The following GDPD1 variants were observed in gnomAD, a reference collection of about 807,000 sequenced individuals.
GDPD1 encodes lysophospholipase D GDPD1.
In GDPD1, 28 loss-of-function variants were observed where a neutral mutation model predicts 45.1. The observed-to-expected ratio is 0.62, with a 90% CI of 0.46 to 0.85. GDPD1 has a LOEUF of 0.85. Ranked by LOEUF, GDPD1 falls within the 40% of genes least tolerant of loss-of-function variation. GDPD1 has a pLI of 0.00. For synonymous variants in GDPD1, 139 were observed against 131.4 expected (o/e 1.06, Z -0.40); for missense variants, 256 against 364.8 (o/e 0.70, Z 2.43).
chr17:59,264,967 A>C (rs1020089632), intron 6 of GDPD1, among the ~76,000 whole-genome samples: 4 of 151,770 alleles, frequency 2.6e-5, no homozygotes, highest in Non-Finnish European at 5.9e-5. Flanking sequence ...CAGCCTCCCG[A>C]GTAGCTGGGG....
At chr17:59,268,033 A>G in intron 7 of GDPD1, among the ~76,000 whole-genome samples, 1 of 152,206 alleles carries the variant, frequency 6.6e-6, no homozygotes, top group East Asian at 1.9e-4. Flanking sequence ...CTAATTTACT[A>G]GCAAGATAAA....
intron 4 of GDPD1, among the ~76,000 whole-genome samples, chr17:59,251,273 C>A (rs561993442): frequency 1.3e-5 from 2 of 152,230 alleles, no homozygotes; most frequent in East Asian, 3.9e-4. Flanking sequence ...AATCCCAACA[C>A]TTTGGGAGGC....
At chr17:59,226,353 A>C (rs1158118655) in intron 1 of GDPD1, among the ~76,000 whole-genome samples, 2 of 152,156 alleles carry the variant, frequency 1.3e-5, no homozygotes, top group East Asian at 1.9e-4. Context: ...CTTAAAAAAA[A>C]AAACCTATAC....
intron 3 of GDPD1, among the ~76,000 whole-genome samples, chr17:59,247,267 G>A (rs1042646112): frequency 6.6e-6 from 1 of 152,014 alleles, no homozygotes; most frequent in Non-Finnish European, 1.5e-5. Flanking sequence ...TTACATTAGG[G>A]TTCACTCTTG....
chr17:59,263,936 C>T (rs998339973), intron 6 of GDPD1, among the ~76,000 whole-genome samples: 1 of 152,078 alleles, frequency 6.6e-6, no homozygotes, highest in Non-Finnish European at 1.5e-5. Flanking sequence ...TCACACTTAA[C>T]GCAGTGGTTC....
chr17:59,275,082 T>A lies in GDPD1; in HGVS notation c.*1309T>A. ...GTCTCGAACTCCTGACCTCAGGTGATCCACCCACCTCGGCCTCTCAAAGTG... is the reference window on the plus strand; with the variant it reads ...GTCTCGAACTCCTGACCTCAGGTGAACCACCCACCTCGGCCTCTCAAAGTG... On this transcript the variant is annotated 3_prime_UTR_variant, in exon 10 of 10. Coordinates refer to ENST00000284116, the MANE Select transcript of GDPD1 (RefSeq NM_182569.4). 2 of 1,234,602 alleles carry A rather than the reference T, an allele frequency of 1.6e-6. No individual in the cohort carries two copies. The highest frequency in any genetic ancestry group is 1.3e-5 in the South Asian group (1 of 77,834). 76.5% of individuals were successfully genotyped at this position (1,234,602 alleles called of 1,614,324 possible).
At chr17:59,268,625 C>A (rs1220575672) in intron 7 of GDPD1, among the ~76,000 whole-genome samples, 1 of 147,030 alleles carries the variant, frequency 6.8e-6, no homozygotes, top group Non-Finnish European at 1.5e-5. Context: ...CTTTTCATAT[C>A]CAACAGAACT....
chr17:59,240,042 C>T (rs1420675175), intron 2 of GDPD1, among the ~76,000 whole-genome samples: 2 of 152,044 alleles, frequency 1.3e-5, no homozygotes, highest in African/African-American at 2.4e-5. Flanking sequence ...CCTGTAATCC[C>T]AGCACTTTGG....
In GDPD1 at chr17:59,254,321, G is replaced by A. The variant is rs148907076; in HGVS notation, c.368-2801G>A. ...GGTTGCGATGAGCCGAGATGGCACC[G>A]CTGCACTGCAGCCTGGGTGACAGAG... On this transcript the variant is annotated intron_variant, in intron 4 of 9. Transcript: ENST00000284116. 4.8e-3 allele frequency among the ~76,000 whole-genome samples: 718 copies of A among 149,162 alleles called. 9 individuals carry two copies. The highest frequency in any genetic ancestry group is 0.017 in the African/African-American group (675 of 40,142).
At chr17:59,224,620 A>G in intron 1 of GDPD1, among the ~76,000 whole-genome samples, 1 of 113,676 alleles carries the variant, frequency 8.8e-6, no homozygotes, top group East Asian at 2.3e-4. Context: ...GCGAGACTCC[A>G]TCTCAAAAAA....
chr17:59,265,500 G>GT (rs2047392132), intron 6 of GDPD1, among the ~76,000 whole-genome samples: 1 of 151,974 alleles, frequency 6.6e-6, no homozygotes, highest in African/African-American at 2.4e-5. Flanking sequence ...TCCAGCCACT[G>GT]TACTCTAGCC....
chr17:59,255,857 G>GTATATATATATATACACGTA (rs1568346976), intron 4 of GDPD1, among the ~76,000 whole-genome samples: 1 of 40,900 alleles, frequency 2.4e-5, no homozygotes, highest in African/African-American at 1.5e-4. Context: ...ATATACACAC[G>GTATATATATATATACACGTA]TATATATATA....
In GDPD1 at chr17:59,257,252, A is replaced by G; in HGVS notation, c.486+12A>G. 7.4e-7 allele frequency: 1 copy of G among 1,354,310 alleles called. No individual in the cohort carries two copies. Among genetic ancestry groups the G allele is most frequent in the Non-Finnish European group, 1.0e-6 (1 of 959,272 alleles). The allele number at this position is 1,354,310 out of a possible 1,614,324, so 83.9% of individuals were successfully genotyped here. A position where few individuals can be genotyped will look rare whatever the true frequency, so the allele number is the denominator to read the frequency against. ...TGCTGATTAAGAAGGTACTCAAGGC[A>G]TTGCCTCCTCTGGGTGTGTTGCATC... On this transcript the variant is annotated intron_variant, in intron 5 of 9. Transcript: ENST00000284116.
chr17:59,260,548 A>C (rs1197880569), intron 6 of GDPD1, among the ~76,000 whole-genome samples: 1 of 152,166 alleles, frequency 6.6e-6, no homozygotes. Context: ...CTAAAAAAAA[A>C]AGTGTATAAA....
intron 4 of GDPD1, 90 bp downstream of exon 4, chr17:59,248,875 A>G: frequency 1.1e-6 from 1 of 919,548 alleles, no homozygotes; most frequent in Admixed American, 2.2e-5. Context: ...AAAGTAACTG[A>G]CCTCTAAGTT....
At chr17:59,228,254 T>G (rs940674443) in intron 1 of GDPD1, among the ~76,000 whole-genome samples, 1 of 151,912 alleles carries the variant, frequency 6.6e-6, no homozygotes, top group Non-Finnish European at 1.5e-5. Flanking sequence ...TATGAAAGTT[T>G]CTTAGGTAGC....
At chr17:59,251,763 T>C (rs1056433510) in intron 4 of GDPD1, among the ~76,000 whole-genome samples, 4 of 151,774 alleles carry the variant, frequency 2.6e-5, no homozygotes, top group Non-Finnish European at 4.4e-5. Flanking sequence ...CCCAGCACTT[T>C]GGGAGGCTAA....
Position 59,257,180 on chromosome 17 carries a change from C to A in GDPD1, c.426C>A (p.Ala142=). 6.2e-7 allele frequency: 1 copy of A among 1,608,252 alleles called. No homozygotes were observed. Among genetic ancestry groups the A allele is most frequent in the Non-Finnish European group, 8.5e-7 (1 of 1,177,244 alleles). Residue 142 remains alanine (A), a synonymous_variant, in exon 5 of 10, where the codon GCC becomes GCA. Coordinates refer to ENST00000284116, the MANE Select transcript of GDPD1 (RefSeq NM_182569.4). ...CATTACTGAAGGAAGTTTTTGAGGC[C>A]TTTCCTAACACTCCCATTAACATCG... ...RIPLLKEVFE[A]FPNTPINIDI...
intron 1 of GDPD1, among the ~76,000 whole-genome samples, chr17:59,226,585 G>A (rs1483400414): frequency 6.6e-6 from 1 of 152,060 alleles, no homozygotes; most frequent in Non-Finnish European, 1.5e-5. Context: ...CAATATAAAA[G>A]AAGAAAAATT....
Sources: gnomAD v4.1 joint callset for allele counts (sites outside exome capture counted in the v4.1 genomes callset) on GRCh38, gnomAD v4.1.1 for gene constraint, MANE v1.5 for transcripts, NCBI Gene and HGNC (gene_info 2026-07-23, HGNC 2026-07-21) for gene names.